DNAAF8: variants seen among roughly 807,000 people sequenced by gnomAD.
The protein encoded by DNAAF8 is dynein axonemal-associated protein 1.
DNAAF8 carries 61 observed loss-of-function variants against 54.6 expected under a neutral mutation model. The ratio of observed to expected loss-of-function variants is 1.12; its 90% confidence interval spans 0.91 to 1.38. The LOEUF (loss-of-function observed/expected upper bound fraction) is 1.38. Ranked by LOEUF, DNAAF8 falls within the 40% of genes most tolerant of loss-of-function variation. DNAAF8 has a pLI of 0.00. For synonymous variants in DNAAF8, 320 were observed against 270.1 expected, an observed-to-expected ratio of 1.18 and a Z score of -1.81; for missense variants, 837 against 665.0, an observed-to-expected ratio of 1.26 and a Z score of -2.85.
Position 4,746,972 on chromosome 16 carries a change from G to A in DNAAF8, c.1227G>A (p.Glu409=). 3.2e-6 allele frequency: 5 copies of A among 1,555,082 alleles called. No individual in the cohort carries two copies. The highest frequency in any genetic ancestry group is 1.7e-4 in the Middle Eastern group (1 of 5,894). The change falls in exon 8 of 10, where the codon GAG becomes GAA. Residue 409 remains glutamate (E), a synonymous_variant. Coordinates refer to ENST00000299320, the MANE Select transcript of DNAAF8 (RefSeq NM_139170.3). ...SSDSEEEEEE[E]MAALGDAEGA... Reference sequence around the variant, plus strand: ...ACAGTGAGGAGGAGGAGGAGGAAGAGATGGCAGCTCTGGGAGACGCAGAGG... The same window carrying A: ...ACAGTGAGGAGGAGGAGGAGGAAGAAATGGCAGCTCTGGGAGACGCAGAGG...
Position 4,747,644 on chromosome 16 carries a change from T to G in DNAAF8, c.*9+10T>G, listed in dbSNP as rs773993049. The G allele has an allele frequency of 1.9e-6, 3 of 1,589,604 alleles. No individual in the cohort carries two copies. The Admixed American group carries it at 5.1e-5, about 27-fold the overall frequency. On this transcript the variant is annotated intron_variant, in intron 9 of 9. Coordinates refer to ENST00000299320, the MANE Select transcript of DNAAF8 (RefSeq NM_139170.3). ...ACTATAGCTGCCTCAGGTAGTGGGATCCCAGGAGTGGGCAGGGGCGGGCTG... is the reference window on the plus strand; with the variant it reads ...ACTATAGCTGCCTCAGGTAGTGGGAGCCCAGGAGTGGGCAGGGGCGGGCTG...
intron 2 of DNAAF8, 31 bp from the exon 3 acceptor site, chr16:4,737,769 G>C (rs769883905): frequency 3.1e-6 from 5 of 1,612,736 alleles, no homozygotes; most frequent in Non-Finnish European, 4.2e-6. Flanking sequence ...CTGCTGCCTT[G>C]TCCTCCAAAA....
At position 4,737,944 on chromosome 16, in the gene DNAAF8, G is replaced by A. The variant is rs748857655; in HGVS notation, c.274G>A (p.Glu92Lys). The change falls in exon 3 of 10, where the codon GAG (glutamate) becomes AAG (lysine). Residue 92 changes from glutamate to lysine, a missense_variant and splice_region_variant. By Grantham distance (56) the Glu-to-Lys change is moderately conservative (BLOSUM62 1). Coordinates refer to ENST00000299320, the MANE Select transcript of DNAAF8 (RefSeq NM_139170.3). Reference sequence around the variant, plus strand: ...CGCTGCAGCTGAAGAGTCCCTTCCCGAGGTCTGTGGGACACAGAAGAGTAT... The same window carrying A: ...CGCTGCAGCTGAAGAGTCCCTTCCCAAGGTCTGTGGGACACAGAAGAGTAT... ...WVAAAEESLPEPVLVPAELAT... is the reference protein window; with the variant it reads ...WVAAAEESLPKPVLVPAELAT... 14 of 1,614,010 alleles carry A rather than the reference G, an allele frequency of 8.7e-6. No individual in the cohort carries two copies. Among genetic ancestry groups the A allele is most frequent in the East Asian group, 6.7e-5 (3 of 44,884 alleles).
Position 4,740,302 on chromosome 16 carries a change from G to GC in DNAAF8, c.432dup (p.Arg145GlnfsTer34), listed in dbSNP as rs527269249. On this transcript the variant is annotated frameshift_variant, in exon 4 of 10. Coordinates refer to ENST00000299320, the MANE Select transcript of DNAAF8 (RefSeq NM_139170.3). LOFTEE classifies it high-confidence loss of function. ...GCGCTCTTCTTGGGATGGCCGAGGA[G>GC]CCCCCCAGGTGGCTGGAAGGCGACC... 1 of 1,613,876 alleles carries GC rather than the reference G, an allele frequency of 6.2e-7. No individual in the cohort carries two copies. The highest frequency in any genetic ancestry group is 1.3e-5 in the African/African-American group (1 of 74,968).
intron 3 of DNAAF8, 182 bp downstream of exon 3, chr16:4,738,128 T>G: frequency 1.3e-6 from 1 of 762,328 alleles, no homozygotes. Context: ...CTCCCTCTCC[T>G]GGGGAGCCCG....
chr16:4,743,266 C>A, intron 5 of DNAAF8, 106 bp downstream of exon 5: 2 of 765,654 alleles, frequency 2.6e-6, no homozygotes, highest in Non-Finnish European at 4.1e-6. Context: ...TCCTGCAGCC[C>A]ACACAAGTCT....
chr16:4,745,272 C>T (rs2075471), intron 6 of DNAAF8, among the ~76,000 whole-genome samples: 91,093 of 152,094 alleles, frequency 0.6, 27,818 homozygotes, highest in East Asian at 0.68. Context: ...CCAAACCCAA[C>T]GGGAACCCTC....
At chr16:4,744,070 C>T (rs544082583) in intron 5 of DNAAF8, among the ~76,000 whole-genome samples, 2 of 152,028 alleles carry the variant, frequency 1.3e-5, no homozygotes, top group Admixed American at 1.3e-4. Flanking sequence ...GCTGGGATTA[C>T]AGGCACGTGC....
chr16:4,746,647 G>C, intron 7 of DNAAF8, 135 bp downstream of exon 7: 3 of 1,242,166 alleles, frequency 2.4e-6, no homozygotes, highest in Admixed American at 5.5e-5. Context: ...CAATTGAAAA[G>C]TGCTGGCCTA....
intron 3 of DNAAF8, among the ~76,000 whole-genome samples, chr16:4,739,459 G>A (rs1410742654): frequency 6.6e-6 from 1 of 151,380 alleles, no homozygotes; most frequent in African/African-American, 2.4e-5. Flanking sequence ...TGCTGTAACA[G>A]TGCATTCCAC....
intron 3 of DNAAF8, among the ~76,000 whole-genome samples, chr16:4,738,421 G>C (rs2081921077): frequency 6.6e-6 from 1 of 152,226 alleles, no homozygotes; most frequent in Non-Finnish European, 1.5e-5. Flanking sequence ...TGGCCCATCA[G>C]TGCCTGAGCA....
At chr16:4,739,262 C>CTTTTTTTTTTTTTTTTTT (rs1596482355) in intron 3 of DNAAF8, among the ~76,000 whole-genome samples, 1 of 36,236 alleles carries the variant, frequency 2.8e-5, no homozygotes, top group Non-Finnish European at 7.0e-5. Flanking sequence ...ATGATTTTTT[C>CTTTTTTTTTTTTTTTTTT]TTGTTTTTTT....
rs117452198 is a variant in DNAAF8 at position 4,746,688 on chromosome 16, G to A, written c.1181+176G>A. On this transcript the variant is annotated intron_variant, in intron 7 of 9. Coordinates refer to ENST00000299320, the MANE Select transcript of DNAAF8 (RefSeq NM_139170.3). ...CCCCTGGGTCCCTGCAGGGAGGGAA[G>A]AGGGGCATGAGGCACACCTCCTCGG... 4.6e-3 allele frequency: 4,219 copies of A among 923,506 alleles called. 271 individuals are homozygous for A. In the Admixed American group the frequency reaches 0.11, roughly 25 times the overall value. 57.2% of individuals were successfully genotyped at this position (923,506 alleles called of 1,614,324 possible). A position where few individuals can be genotyped will look rare whatever the true frequency, so the allele number is the denominator to read the frequency against.
At chr16:4,744,157 T>G (rs2081983664) in intron 5 of DNAAF8, among the ~76,000 whole-genome samples, 1 of 152,078 alleles carries the variant, frequency 6.6e-6, no homozygotes, top group Admixed American at 6.6e-5. Flanking sequence ...GGTCTCGAAC[T>G]CCTGACCTCA....
At position 4,737,893 on chromosome 16, in the gene DNAAF8, G is replaced by A. The variant is rs138905202; in HGVS notation, c.223G>A (p.Asp75Asn). 7.4e-6 allele frequency: 12 copies of A among 1,614,064 alleles called. No homozygotes were observed. Among genetic ancestry groups the A allele is most frequent in the African/African-American group, 1.3e-5 (1 of 74,934 alleles). Reference sequence around the variant, plus strand: ...GGAGGAGCTGGCTGAAGATCCTGCCGATGGCGACAAGTCCAGGGCCTGGGT... The same window carrying A: ...GGAGGAGCTGGCTGAAGATCCTGCCAATGGCGACAAGTCCAGGGCCTGGGT... ...LSEELAEDPA[D>N]GDKSRAWVAA... The change falls in exon 3 of 10, where the codon GAT becomes AAT. Residue 75 changes from aspartate (D) to asparagine (N), a missense_variant. Coordinates refer to ENST00000299320, the MANE Select transcript of DNAAF8 (RefSeq NM_139170.3).
intron 4 of DNAAF8, among the ~76,000 whole-genome samples, chr16:4,742,232 G>C (rs538072274): frequency 3.3e-5 from 5 of 152,016 alleles, no homozygotes; most frequent in Non-Finnish European, 5.9e-5. Flanking sequence ...TTGTGAACCT[G>C]TATGAACCTA....
intron 3 of DNAAF8, among the ~76,000 whole-genome samples, chr16:4,738,632 C>T (rs1309254092): frequency 6.6e-6 from 1 of 152,130 alleles, no homozygotes; most frequent in African/African-American, 2.4e-5. Context: ...CCTGTAATCC[C>T]AGCATTTTAG....
rs1567499091 is a variant in DNAAF8 at position 4,740,588 on chromosome 16, G to A, written c.712G>A (p.Ala238Thr). 2.5e-6 allele frequency: 4 copies of A among 1,613,168 alleles called. No homozygotes were observed. Among genetic ancestry groups the A allele is most frequent in the African/African-American group, 1.3e-5 (1 of 74,930 alleles). ...GGVKEAPCHAAESAPRSKMPL... is the reference protein window; with the variant it reads ...GGVKEAPCHATESAPRSKMPL... ...GGTGAAGGAGGCGCCCTGCCACGCT[G>A]CGGAGTCAGCTCCCAGATCCAAAAT... Residue 238 changes from alanine (A) to threonine (T), a missense_variant, in exon 4 of 10, where the codon GCG (alanine) becomes ACG (threonine). Coordinates refer to ENST00000299320, the MANE Select transcript of DNAAF8 (RefSeq NM_139170.3).
chr16:4,745,867 T>C (rs1282243183), intron 6 of DNAAF8, among the ~76,000 whole-genome samples: 1 of 148,352 alleles, frequency 6.7e-6, no homozygotes, highest in Non-Finnish European at 1.5e-5. Context: ...GCAGGAGAAA[T>C]CTCTTGAACC....
Sources: allele counts gnomAD v4.1 joint callset (sites outside exome capture counted in the v4.1 genomes callset), GRCh38; gene constraint gnomAD v4.1.1; transcripts MANE v1.5; gene names NCBI Gene and HGNC (gene_info 2026-07-23, HGNC 2026-07-21).